Variants in RALYL observed in about 807,000 individuals in gnomAD.
RALYL encodes RNA-binding Raly-like protein.
RALYL carries 29 observed loss-of-function variants against 35.1 expected under a neutral mutation model. The ratio of observed to expected loss-of-function variants is 0.83; its 90% CI spans 0.61 to 1.13. RALYL has a LOEUF of 1.13. RALYL is among the 50% of genes most tolerant of loss of function. RALYL has a pLI of 0.00. For synonymous variants in RALYL, 120 were observed against 127.6 expected (o/e 0.94, Z 0.40); for missense variants, 359 against 360.4 (o/e 1.00, Z 0.03).
intron 1 of RALYL, among the ~76,000 whole-genome samples, chr8:84,381,357 G>A (rs1857959216): frequency 6.6e-6 from 1 of 151,836 alleles, no homozygotes; most frequent in African/African-American, 2.4e-5. Flanking sequence ...TTCCCATGTG[G>A]ATAACTTGTT....
At chr8:84,384,823 G>A (rs865803491) in intron 1 of RALYL, among the ~76,000 whole-genome samples, 7 of 151,786 alleles carry the variant, frequency 4.6e-5, no homozygotes, top group Non-Finnish European at 8.8e-5. Context: ...TCATTATGTA[G>A]TGGAGCTTAA....
chr8:84,281,110 G>T (rs1172487527), intron 1 of RALYL, among the ~76,000 whole-genome samples: 3 of 152,050 alleles, frequency 2.0e-5, no homozygotes, highest in Non-Finnish European at 4.4e-5. Flanking sequence ...CTATACAGAG[G>T]TTTTTCTTTG....
At chr8:84,325,235 T>C (rs1259965742) in intron 1 of RALYL, among the ~76,000 whole-genome samples, 1 of 152,132 alleles carries the variant, frequency 6.6e-6, no homozygotes, top group African/African-American at 2.4e-5. Context: ...AGGAAATATA[T>C]CTCCTTTAAA....
Position 84,867,180 on chromosome 8 carries a change from G to A in RALYL, c.571+4727G>A, listed in dbSNP as rs113835626. ...ACTGTTTTCTCTCTTTGTGTGTCTT[G>A]TCTAATAAATTTCCTCTTGTTATAA... On this transcript the variant is annotated intron_variant, in intron 6 of 8. Coordinates refer to ENST00000521268, the MANE Select transcript of RALYL (RefSeq NM_173848.7). Among the ~76,000 whole-genome samples the A allele has an allele frequency of 3.8e-3, 584 of 152,148 alleles. 2 individuals carry two copies. The highest frequency in any genetic ancestry group is 6.7e-3 in the Non-Finnish European group (459 of 68,008).
chr8:84,844,644 A>T (rs998766855), intron 4 of RALYL, among the ~76,000 whole-genome samples: 1 of 152,194 alleles, frequency 6.6e-6, no homozygotes, highest in Non-Finnish European at 1.5e-5. Context: ...ACTATAAATC[A>T]TGCTGCTATA....
At chr8:84,592,246 G>A (rs188966373) in intron 2 of RALYL, among the ~76,000 whole-genome samples, 1 of 152,198 alleles carries the variant, frequency 6.6e-6, no homozygotes, top group East Asian at 1.9e-4. Context: ...AAAACCATAA[G>A]GAAATGGTAG....
In RALYL at chr8:84,291,364, G is replaced by A. The variant is rs146893613; in HGVS notation, c.-24+106940G>A. On this transcript the variant is annotated intron_variant, in intron 1 of 8. Coordinates refer to ENST00000521268, the MANE Select transcript of RALYL (RefSeq NM_173848.7). ...TAATGCTTAGTAAAAAGGTACAGAAGTTGGGAAAGCTAGTGACATTTGATC... is the reference window on the plus strand; with the variant it reads ...TAATGCTTAGTAAAAAGGTACAGAAATTGGGAAAGCTAGTGACATTTGATC... Among the ~76,000 whole-genome samples the A allele has an allele frequency of 7.7e-3, 1,178 of 152,256 alleles. 20 individuals carry two copies. Among genetic ancestry groups the A allele is most frequent in the African/African-American group, 0.027 (1,133 of 41,560 alleles).
At chr8:84,370,209 A>G (rs1008873670) in intron 1 of RALYL, among the ~76,000 whole-genome samples, 2 of 152,114 alleles carry the variant, frequency 1.3e-5, no homozygotes, top group African/African-American at 4.8e-5. Flanking sequence ...TAAGCTGTAA[A>G]AGACAATAAA....
At chr8:84,687,301 A>C (rs577580488) in intron 2 of RALYL, among the ~76,000 whole-genome samples, 1 of 152,228 alleles carries the variant, frequency 6.6e-6, no homozygotes, top group Non-Finnish European at 1.5e-5. Flanking sequence ...AGTCTATTTC[A>C]TTTCATTTCA....
chr8:84,275,534 C>T (rs1318683314), intron 1 of RALYL, among the ~76,000 whole-genome samples: 1 of 151,808 alleles, frequency 6.6e-6, no homozygotes, highest in Non-Finnish European at 1.5e-5. Flanking sequence ...ATAGTTACCA[C>T]TTTCATGGTG....
intron 2 of RALYL, among the ~76,000 whole-genome samples, chr8:84,656,622 T>G (rs919444626): frequency 1.3e-5 from 2 of 152,084 alleles, no homozygotes; most frequent in Non-Finnish European, 1.5e-5. Context: ...CACCACCTCT[T>G]CCAGGTCCAA....
At chr8:84,497,318 T>G (rs989110596) in intron 1 of RALYL, among the ~76,000 whole-genome samples, 1 of 152,158 alleles carries the variant, frequency 6.6e-6, no homozygotes, top group Non-Finnish European at 1.5e-5. Flanking sequence ...TGGAGCAAAG[T>G]GTGACTTGTA....
chr8:84,821,000 A>G (rs976777573), intron 4 of RALYL, among the ~76,000 whole-genome samples: 10 of 152,170 alleles, frequency 6.6e-5, no homozygotes, highest in Admixed American at 6.5e-4. Flanking sequence ...TAATCACTAA[A>G]AATAATGCAA....
At chr8:84,438,687 C>A (rs2048003271) in intron 1 of RALYL, among the ~76,000 whole-genome samples, 1 of 152,002 alleles carries the variant, frequency 6.6e-6, no homozygotes, top group South Asian at 2.1e-4. Flanking sequence ...ACACCGTACC[C>A]AGCCCTTCTA....
intron 3 of RALYL, among the ~76,000 whole-genome samples, chr8:84,777,950 G>C (rs1194190888): frequency 6.6e-6 from 1 of 152,022 alleles, no homozygotes; most frequent in Non-Finnish European, 1.5e-5. Context: ...TTCTGAGTCT[G>C]TTTTCTTATC....
At chr8:84,784,498 G>T (rs1313920394) in intron 3 of RALYL, among the ~76,000 whole-genome samples, 2 of 152,010 alleles carry the variant, frequency 1.3e-5, no homozygotes, top group Admixed American at 6.6e-5. Context: ...TTTTTCCCTA[G>T]TCCATTAAAG....
chr8:84,459,173 G>T (rs893134517), intron 1 of RALYL, among the ~76,000 whole-genome samples: 2 of 151,686 alleles, frequency 1.3e-5, no homozygotes, highest in Admixed American at 6.6e-5. Flanking sequence ...ACCTAACAGA[G>T]AATTGTATGT....
intron 1 of RALYL, among the ~76,000 whole-genome samples, chr8:84,411,455 T>C (rs1490536900): frequency 2.0e-5 from 3 of 151,904 alleles, no homozygotes; most frequent in Non-Finnish European, 2.9e-5. Flanking sequence ...AACCAGATGA[T>C]CTCAAATCCA....
chr8:84,480,922 G>A (rs905421920), intron 1 of RALYL, among the ~76,000 whole-genome samples: 3 of 152,178 alleles, frequency 2.0e-5, no homozygotes, highest in South Asian at 2.1e-4. Flanking sequence ...AGAAAAAAAA[G>A]TCTAAAATAA....
Sources: allele counts gnomAD v4.1 joint callset (sites outside exome capture counted in the v4.1 genomes callset), GRCh38; gene constraint gnomAD v4.1.1; transcripts MANE v1.5; gene names NCBI Gene and HGNC (gene_info 2026-07-23, HGNC 2026-07-21).